The following ALK variants were observed in gnomAD, a reference collection of about 807,000 sequenced individuals.
ALK encodes ALK tyrosine kinase receptor.
Under a neutral mutation model 163.1 loss-of-function variants are expected in ALK, and 74 were observed. The ratio of observed to expected loss-of-function variants is 0.45; its 90% CI spans 0.38 to 0.55. The LOEUF is 0.55. ALK is among the 20% of genes least tolerant of loss of function. The pLI is 0.00. For missense variants in ALK, 2,063 were observed against 2,105.3 expected, an observed-to-expected ratio of 0.98 and a Z score of 0.39; for synonymous variants, 960 against 843.2, an observed-to-expected ratio of 1.14 and a Z score of -2.40.
intron 1 of ALK, among the ~76,000 whole-genome samples, chr2:29,735,611 G>A (rs971174276): frequency 6.6e-6 from 1 of 151,912 alleles, no homozygotes; most frequent in Non-Finnish European, 1.5e-5. Context: ...TTGAATTGTA[G>A]TTCCCATAAT....
chr2:29,598,805 T>A (rs1156929176), intron 3 of ALK, among the ~76,000 whole-genome samples: 1 of 152,190 alleles, frequency 6.6e-6, no homozygotes, highest in Non-Finnish European at 1.5e-5. Context: ...GTATATTTGA[T>A]GAATATTCTA....
intron 5 of ALK, among the ~76,000 whole-genome samples, chr2:29,379,701 C>G (rs1310457593): frequency 1.3e-5 from 2 of 151,956 alleles, no homozygotes; most frequent in African/African-American, 4.8e-5. Flanking sequence ...GAAAGCGCCA[C>G]AAAAGAAGGA....
At chr2:29,765,341 T>C (rs1680828514) in intron 1 of ALK, among the ~76,000 whole-genome samples, 1 of 152,186 alleles carries the variant, frequency 6.6e-6, no homozygotes, top group Non-Finnish European at 1.5e-5. Context: ...TCCTTCATTT[T>C]CTCACTGCCC....
intron 4 of ALK, among the ~76,000 whole-genome samples, chr2:29,433,462 A>G (rs144710973): frequency 6.6e-6 from 1 of 152,314 alleles, no homozygotes; most frequent in Admixed American, 6.5e-5. Context: ...GTTCCCCCCA[A>G]GTGCTTACCT....
rs545479736 is a variant in ALK at position 29,369,175 on chromosome 2, T to G, written c.1282+14557A>C. Among the ~76,000 whole-genome samples, 6 of 152,318 alleles carry G rather than the reference T, an allele frequency of 3.9e-5. No individual in the cohort carries two copies. In the East Asian group the frequency reaches 1.2e-3, roughly 29 times the overall value. ...CTTGCTTTTGCCATGTGACTGGCAC[T>G]AGGGAAGACCTCAGCCTTGGATAAG... is the stretch of plus-strand genomic sequence containing the variant. On this transcript the variant is annotated intron_variant, in intron 5 of 28. Coordinates refer to ENST00000389048, the MANE Select transcript of ALK (RefSeq NM_004304.5).
chr2:29,412,881 T>C (rs1268506226), intron 4 of ALK, among the ~76,000 whole-genome samples: 1 of 152,100 alleles, frequency 6.6e-6, no homozygotes. Flanking sequence ...TTGTGAGGAG[T>C]TTCTCCATAA....
intron 3 of ALK, among the ~76,000 whole-genome samples, chr2:29,559,938 A>T (rs940288874): frequency 2.0e-5 from 3 of 152,364 alleles, no homozygotes; most frequent in Admixed American, 6.5e-5. Context: ...GCTAGTCTTA[A>T]TATGAATGTA....
At chr2:29,437,411 C>A (rs1670430011) in intron 4 of ALK, among the ~76,000 whole-genome samples, 1 of 152,132 alleles carries the variant, frequency 6.6e-6, no homozygotes, top group Admixed American at 6.5e-5. Context: ...CCATTAGACA[C>A]AGAATGCAGA....
intron 4 of ALK, among the ~76,000 whole-genome samples, chr2:29,400,240 G>A (rs1299444000): frequency 6.6e-6 from 1 of 152,134 alleles, no homozygotes; most frequent in Non-Finnish European, 1.5e-5. Flanking sequence ...CTGATATTAA[G>A]TATTAGTAAA....
At position 29,560,611 on chromosome 2, in the gene ALK, G is replaced by A. The variant is rs192248996; in HGVS notation, c.953-28495C>T. Among the ~76,000 whole-genome samples, 1,372 of 150,004 alleles carry A rather than the reference G, an allele frequency of 9.1e-3. 12 individuals carry two copies. Among genetic ancestry groups the A allele is most frequent in the Non-Finnish European group, 0.012 (802 of 67,684 alleles). The stretch of plus-strand genomic sequence containing the variant: ...TTTTTTGGCAGGATCTTGCTCTGTT[G>A]CCCAGGCTGGAGTGCAGTGGCATAA... On this transcript the variant is annotated intron_variant, in intron 3 of 28. Transcript: ENST00000389048.
intron 4 of ALK, among the ~76,000 whole-genome samples, chr2:29,531,072 G>A (rs1291618045): frequency 6.6e-6 from 1 of 152,206 alleles, no homozygotes; most frequent in Non-Finnish European, 1.5e-5. Context: ...ATGGGTAACA[G>A]TTATCGTTCA....
At chr2:29,468,552 T>C (rs959315155) in intron 4 of ALK, among the ~76,000 whole-genome samples, 15 of 151,940 alleles carry the variant, frequency 9.9e-5, no homozygotes, top group African/African-American at 3.1e-4. Flanking sequence ...AAGTTCATGG[T>C]TCAGAATGAA....
At chr2:29,909,462 C>CAG (rs1342925703) in intron 1 of ALK, among the ~76,000 whole-genome samples, 11 of 142,360 alleles carry the variant, frequency 7.7e-5, no homozygotes, top group African/African-American at 2.4e-4. Context: ...CATACACACA[C>CAG]AGAGAGAGAC....
rs1035251717 is a variant in ALK, at chr2:29,790,384, C to T, written c.668-72687G>A. Among the ~76,000 whole-genome samples, 24 of 152,202 alleles carry T rather than the reference C, an allele frequency of 1.6e-4. 1 individual carries two copies. The highest frequency in any genetic ancestry group is 5.8e-4 in the African/African-American group (24 of 41,524). On this transcript the variant is annotated intron_variant, in intron 1 of 28. Transcript: ENST00000389048. ...AGACTGGGCTTGAAAAAATGTTAAT[C>T]TATGCAAAATCCTCTTGTTCTCAGT...
At chr2:29,334,290 T>C (rs754790655) in intron 5 of ALK, among the ~76,000 whole-genome samples, 15 of 152,238 alleles carry the variant, frequency 9.9e-5, no homozygotes, top group Non-Finnish European at 2.2e-4. Flanking sequence ...AAGTCTCACC[T>C]TCAAGAGCCT....
chr2:29,320,634 T>C, intron 7 of ALK, 117 bp downstream of exon 7: 1 of 1,450,912 alleles, frequency 6.9e-7, no homozygotes, highest in Non-Finnish European at 9.7e-7. Flanking sequence ...CTAGGCAAGC[T>C]TTGGTCAGAC....
At chr2:29,498,361 T>A (rs1417703201) in intron 4 of ALK, among the ~76,000 whole-genome samples, 1 of 136,514 alleles carries the variant, frequency 7.3e-6, no homozygotes, top group Non-Finnish European at 1.6e-5. Context: ...AATAAAATTT[T>A]GAACTGTGAT....
intron 4 of ALK, among the ~76,000 whole-genome samples, chr2:29,467,082 A>G (rs1197439219): frequency 2.0e-5 from 3 of 152,152 alleles, no homozygotes; most frequent in Non-Finnish European, 4.4e-5. Context: ...CACCTCACAT[A>G]CAATAGTTGA....
At chr2:29,228,837 G>C (rs1664093593) in intron 16 of ALK, 47 bp downstream of exon 16, 1 of 1,283,176 alleles carries the variant, frequency 7.8e-7, no homozygotes, top group Admixed American at 1.7e-5. Flanking sequence ...GAGGAGCCTA[G>C]GACTAAGCAG....
Sources: allele counts gnomAD v4.1 joint callset (sites outside exome capture counted in the v4.1 genomes callset), GRCh38; gene constraint gnomAD v4.1.1; transcripts MANE v1.5; gene names NCBI Gene and HGNC (gene_info 2026-07-23, HGNC 2026-07-21).